The following CEP104 variants were observed in gnomAD, a reference collection of about 807,000 sequenced individuals.
CEP104 encodes the protein centrosomal protein of 104 kDa.
CEP104 carries 84 observed loss-of-function variants against 113.3 expected under a neutral mutation model. The observed-to-expected ratio is 0.74, with a 90% CI of 0.62 to 0.89. CEP104 has a LOEUF of 0.89. CEP104 is among the 40% of genes least tolerant of loss of function. The pLI, the probability that CEP104 is intolerant of heterozygous loss-of-function variation, is 0.00. For missense variants in CEP104, 1,053 were observed against 1,156.6 expected (o/e 0.91, Z 1.30); for synonymous variants, 378 against 421.7 (o/e 0.90, Z 1.27).
chr1:3,848,114 C>A (rs1027025625), intron 3 of CEP104, among the ~76,000 whole-genome samples: 3 of 152,086 alleles, frequency 2.0e-5, no homozygotes, highest in Non-Finnish European at 4.4e-5. Flanking sequence ...TAGCAGAATT[C>A]ATAGAAATTA....
At chr1:3,818,878 T>C (rs972798850) in intron 20 of CEP104, among the ~76,000 whole-genome samples, 4 of 152,250 alleles carry the variant, frequency 2.6e-5, no homozygotes, top group African/African-American at 9.6e-5. Context: ...TTGATCTGCC[T>C]CTTCCATCAA....
In CEP104 at chr1:3,852,667, A is replaced by G. The variant is rs6657021; in HGVS notation, c.-14-246T>C. ...AAATATGTGTCCAAAAAGTTTGACC[A>G]GTGCTGTGGATTGTGCTCCCCAAAA... On this transcript the variant is annotated intron_variant, in intron 1 of 21. Transcript: ENST00000378230. Among the ~76,000 whole-genome samples the G allele has an allele frequency of 0.54, 81,819 of 152,140 alleles. 24,546 individuals carry two copies. Among genetic ancestry groups the G allele is most frequent in the Non-Finnish European group, 0.68 (46,309 of 67,992 alleles).
intron 10 of CEP104, 49 bp downstream of exon 10, chr1:3,836,439 ATATAGAC>A (rs2124671426): frequency 6.4e-7 from 1 of 1,557,880 alleles, no homozygotes; most frequent in East Asian, 2.2e-5. Context: ...TGTGCGTACC[ATATAGAC>A]TAGCCTCCCC....
chr1:3,846,869 T>C (rs1256678080), intron 4 of CEP104, among the ~76,000 whole-genome samples: 1 of 151,758 alleles, frequency 6.6e-6, no homozygotes, highest in African/African-American at 2.4e-5. Context: ...ACTAATCATG[T>C]GAGAAAAAGA....
intron 10 of CEP104, 71 bp downstream of exon 10, chr1:3,836,424 A>G: frequency 1.3e-6 from 2 of 1,488,128 alleles, no homozygotes; most frequent in Non-Finnish European, 1.8e-6. Flanking sequence ...GTAAGTACAC[A>G]GAGGTGTGCG....
chr1:3,848,328 C>T (rs572588008), intron 3 of CEP104, among the ~76,000 whole-genome samples: 67 of 151,966 alleles, frequency 4.4e-4, no homozygotes, highest in African/African-American at 1.6e-3. Context: ...GTCAGGAGAT[C>T]GAGACCATCC....
chr1:3,832,553 G>C (rs1644236857), intron 12 of CEP104, among the ~76,000 whole-genome samples: 2 of 151,992 alleles, frequency 1.3e-5, no homozygotes, highest in Admixed American at 6.6e-5. Flanking sequence ...CAGGAGTGTA[G>C]TGTAGCACAT....
chr1:3,826,322 C>T, intron 17 of CEP104, 48 bp downstream of exon 17: 1 of 1,530,274 alleles, frequency 6.5e-7, no homozygotes, highest in East Asian at 2.3e-5. Flanking sequence ...TTCTGTGTGG[C>T]TGGTTGCCCT....
rs996849517 is a variant in CEP104, at chr1:3,816,464, C to T, written c.2572-94G>A. 7.3e-5 allele frequency: 73 copies of T among 1,000,282 alleles called. 1 individual carries two copies. Among genetic ancestry groups the T allele is most frequent in the Non-Finnish European group, 9.8e-5 (68 of 696,494 alleles). 62.0% of individuals were successfully genotyped at this position (1,000,282 alleles called of 1,614,324 possible). On this transcript the variant is annotated intron_variant, in intron 20 of 21. Transcript: ENST00000378230. ...AAGGACTCGCTGTGTAAGCTGAAAA[C>T]GAGGGCGGCCGCTCCAGCAAGAGCC...
chr1:3,849,538 A>G (rs926406786), intron 2 of CEP104, among the ~76,000 whole-genome samples: 2 of 152,208 alleles, frequency 1.3e-5, no homozygotes, highest in Non-Finnish European at 2.9e-5. Context: ...GCCCAAAAGT[A>G]ACACAACGTA....
At position 3,815,316 on chromosome 1, in the gene CEP104, C is replaced by A; in HGVS notation, c.*86G>T. ...GGACAGCAGCCAGAGCATGGGGCCA[C>A]CAAGGCCAGAGAGTTCTGGAGAGAT... On this transcript the variant is annotated 3_prime_UTR_variant, in exon 22 of 22. Coordinates refer to ENST00000378230, the MANE Select transcript of CEP104 (RefSeq NM_014704.4). 1 of 1,060,374 alleles carries A rather than the reference C, an allele frequency of 9.4e-7. No individual in the cohort carries two copies. 65.7% of individuals were successfully genotyped at this position (1,060,374 alleles called of 1,614,324 possible). A position where few individuals can be genotyped will look rare whatever the true frequency, so the allele number is the denominator to read the frequency against.
intron 14 of CEP104, 119 bp downstream of exon 14, chr1:3,829,672 G>T: frequency 9.2e-7 from 1 of 1,087,728 alleles, no homozygotes; most frequent in Non-Finnish European, 1.4e-6. Flanking sequence ...TAGCCAGGAC[G>T]CCGGGGCTTC....
chr1:3,856,678 CCCCGGCA>C (rs1644737462), intron 1 of CEP104, among the ~76,000 whole-genome samples: 1 of 152,208 alleles, frequency 6.6e-6, no homozygotes, highest in African/African-American at 2.4e-5. Flanking sequence ...GTGCTGAGCT[CCCCGGCA>C]TACGGCACGA....
In CEP104 at chr1:3,823,304, G is replaced by A; in HGVS notation, c.2504-63C>T. ...TGACAGGCGACAAGACATGCTGCTG[G>A]CCTGCCCGCAGGTGCCCTTTAATTC... On this transcript the variant is annotated intron_variant, in intron 19 of 21. Transcript: ENST00000378230. The surrounding 1 kb of genome is among the most constrained non-coding windows in gnomAD (Gnocchi z 4.1). The A allele has an allele frequency of 6.2e-7, 1 of 1,609,094 alleles. No homozygotes were observed. Among genetic ancestry groups the A allele is most frequent in the Non-Finnish European group, 8.5e-7 (1 of 1,175,452 alleles).
chr1:3,818,876 C>T (rs1379920099), intron 20 of CEP104, among the ~76,000 whole-genome samples: 1 of 152,202 alleles, frequency 6.6e-6, no homozygotes. Flanking sequence ...AATTGATCTG[C>T]CTCTTCCATC....
intron 18 of CEP104, among the ~76,000 whole-genome samples, chr1:3,824,831 GGGCAGTGGCACCGTGGGAAGGGA>G (rs1415925353): frequency 4.9e-4 from 73 of 150,224 alleles, no homozygotes; most frequent in Middle Eastern, 3.5e-3. Flanking sequence ...GGTGGGAAGG[GGGCAGTGGCACCGTGGGAAGGGA>G]GGCAGTGGCA....
At chr1:3,841,778 T>C (rs981481058) in intron 6 of CEP104, among the ~76,000 whole-genome samples, 15 of 152,182 alleles carry the variant, frequency 9.9e-5, no homozygotes, top group East Asian at 1.9e-4. Flanking sequence ...ACCTGGCTGA[T>C]TGGATTAAGG....
chr1:3,855,871 C>T (rs191834449), intron 1 of CEP104: 13 of 984,226 alleles, frequency 1.3e-5, no homozygotes, highest in Non-Finnish European at 1.2e-5. Flanking sequence ...TGGTCTTCCT[C>T]ACCAGAGGCA....
At chr1:3,834,057 C>T (rs768887378) in intron 11 of CEP104, 22 bp from the exon 12 acceptor site, 38 of 1,596,650 alleles carry the variant, frequency 2.4e-5, no homozygotes, top group South Asian at 9.9e-5. Context: ...GTGATGAACA[C>T]GGATGAGTTA....
Sources: allele counts gnomAD v4.1 joint callset (sites outside exome capture counted in the v4.1 genomes callset), GRCh38; gene constraint gnomAD v4.1.1; non-coding constraint Gnocchi (gnomAD v3.1); transcripts MANE v1.5; gene names NCBI Gene and HGNC (gene_info 2026-07-23, HGNC 2026-07-21).